AK9: variants seen among roughly 807,000 people sequenced by gnomAD.
The protein encoded by AK9 is adenylate kinase domain containing 1.
A neutral mutation model predicts 239.6 loss-of-function variants in AK9; 191 were observed. The observed-to-expected ratio is 0.80, with a 90% CI of 0.71 to 0.90. AK9 has a LOEUF of 0.90. Among genes scored for constraint, AK9 ranks in the 40% least tolerant of loss-of-function variants. The pLI, the probability that AK9 is intolerant of heterozygous loss-of-function variation, is 0.00. For missense variants in AK9, 1,995 were observed against 2,214.7 expected (o/e 0.90, Z 1.99); for synonymous variants, 689 against 721.0 (o/e 0.96, Z 0.71).
In AK9 at chr6:109,506,830, T is replaced by A. The variant is rs982324867; in HGVS notation, c.4482-30A>T. 11 of 1,462,418 alleles carry A rather than the reference T, an allele frequency of 7.5e-6. No homozygotes were observed. In the African/African-American group the frequency reaches 1.4e-4, roughly 19 times the overall value. 90.6% of individuals were successfully genotyped at this position (1,462,418 alleles called of 1,614,324 possible). A position where few individuals can be genotyped will look rare whatever the true frequency, so the allele number is the denominator to read the frequency against. ...CAAGGAAAAACATGAAAATAAAAAT[T>A]CCACATTTCTTTTTCTCTCGTACTT... On this transcript the variant is annotated intron_variant, in intron 33 of 40. Coordinates refer to ENST00000424296, the MANE Select transcript of AK9 (RefSeq NM_001145128.3).
At chr6:109,677,674 C>T (rs1771965699) in intron 1 of AK9, among the ~76,000 whole-genome samples, 2 of 151,990 alleles carry the variant, frequency 1.3e-5, no homozygotes, top group Admixed American at 1.3e-4. Context: ...GCATAAATAA[C>T]TATCAAAGGT....
intron 21 of AK9, among the ~76,000 whole-genome samples, chr6:109,566,461 G>T (rs1445753352): frequency 6.6e-6 from 1 of 152,090 alleles, no homozygotes; most frequent in Admixed American, 6.6e-5. Flanking sequence ...AATTTTACAA[G>T]ATGTATGCTT....
At chr6:109,589,080 A>T (rs1304693568) in intron 17 of AK9, among the ~76,000 whole-genome samples, 2 of 152,076 alleles carry the variant, frequency 1.3e-5, no homozygotes, top group African/African-American at 4.8e-5. Flanking sequence ...TGTTCTGTAC[A>T]AATTTCACTA....
chr6:109,582,895 C>T (rs1789031394), intron 19 of AK9, among the ~76,000 whole-genome samples: 1 of 152,134 alleles, frequency 6.6e-6, no homozygotes, highest in African/African-American at 2.4e-5. Flanking sequence ...GCAACCACTA[C>T]CCTTATCGGT....
At chr6:109,528,819 T>TCAGCCTTGAAAAGCTGTTACAAGAGA in intron 29 of AK9, 192 bp downstream of exon 29, 1 of 890,722 alleles carries the variant, frequency 1.1e-6, no homozygotes, top group Non-Finnish European at 1.7e-6. Flanking sequence ...GTTACAAGAG[T>TCAGCCTTGAAAAGCTGTTACAAGAGA]GTCTTAAGCC....
intron 21 of AK9, among the ~76,000 whole-genome samples, 197 bp from the exon 22 acceptor site, chr6:109,565,042 CA>C (rs1333307803): frequency 6.6e-6 from 1 of 152,128 alleles, no homozygotes; most frequent in African/African-American, 2.4e-5. Flanking sequence ...TATTCTTAAA[CA>C]CATAAAAGGA....
intron 17 of AK9, among the ~76,000 whole-genome samples, chr6:109,598,984 A>G (rs1791498240): frequency 6.6e-6 from 1 of 152,198 alleles, no homozygotes; most frequent in Non-Finnish European, 1.5e-5. Context: ...GCCCTTTGTC[A>G]GATGGGTAGA....
chr6:109,509,147 C>T, intron 33 of AK9, 32 bp downstream of exon 33: 1 of 1,540,614 alleles, frequency 6.5e-7, no homozygotes, highest in Non-Finnish European at 8.8e-7. Flanking sequence ...ATTTAACTCC[C>T]TCTGTCCCAT....
chr6:109,615,332 T>C (rs533095630), intron 13 of AK9, among the ~76,000 whole-genome samples: 1 of 152,110 alleles, frequency 6.6e-6, no homozygotes, highest in South Asian at 2.1e-4. Flanking sequence ...TGTGTCTTGT[T>C]CTCATCTGTA....
chr6:109,527,271 C>T (rs1780644849), intron 29 of AK9, among the ~76,000 whole-genome samples: 1 of 152,026 alleles, frequency 6.6e-6, no homozygotes, highest in Non-Finnish European at 1.5e-5. Context: ...TGGAAATGTC[C>T]CATTCAGTGC....
At chr6:109,590,095 G>A (rs1338121345) in intron 17 of AK9, among the ~76,000 whole-genome samples, 3 of 152,048 alleles carry the variant, frequency 2.0e-5, no homozygotes, top group Non-Finnish European at 4.4e-5. Flanking sequence ...GAGTTAGGGA[G>A]GATTCACTCC....
At chr6:109,603,386 G>C (rs117483718) in intron 17 of AK9, among the ~76,000 whole-genome samples, 1 of 152,142 alleles carries the variant, frequency 6.6e-6, no homozygotes, top group South Asian at 2.1e-4. Flanking sequence ...GCAGTACAGC[G>C]AATATTGCTG....
At chr6:109,602,977 T>C (rs1484021857) in intron 17 of AK9, among the ~76,000 whole-genome samples, 2 of 152,312 alleles carry the variant, frequency 1.3e-5, no homozygotes, top group Non-Finnish European at 2.9e-5. Flanking sequence ...ATTCGTCTAA[T>C]CTTTTTTCAA....
intron 10 of AK9, among the ~76,000 whole-genome samples, chr6:109,634,171 T>C (rs1179464128): frequency 6.6e-6 from 1 of 152,186 alleles, no homozygotes; most frequent in Non-Finnish European, 1.5e-5. Flanking sequence ...CCCTCATGAA[T>C]AGATTAATGT....
At chr6:109,516,301 G>T in intron 30 of AK9, 129 bp downstream of exon 30, 1 of 922,128 alleles carries the variant, frequency 1.1e-6, no homozygotes, top group Non-Finnish European at 1.6e-6. Flanking sequence ...AAATGATACC[G>T]ATAAAAGGAA....
chr6:109,661,721 C>T (rs1800443151), intron 6 of AK9, among the ~76,000 whole-genome samples: 1 of 152,204 alleles, frequency 6.6e-6, no homozygotes, highest in Non-Finnish European at 1.5e-5. Flanking sequence ...CACTGGGTCC[C>T]AGCATCTGAG....
chr6:109,624,321 C>T (rs1403417945), intron 12 of AK9, among the ~76,000 whole-genome samples: 1 of 152,130 alleles, frequency 6.6e-6, no homozygotes, highest in African/African-American at 2.4e-5. Flanking sequence ...TGCATAGATG[C>T]CCTTTTGCTT....
intron 1 of AK9, among the ~76,000 whole-genome samples, chr6:109,681,418 C>A (rs950866924): frequency 6.6e-6 from 1 of 152,112 alleles, no homozygotes; most frequent in African/African-American, 2.4e-5. Context: ...TATATGCACC[C>A]AATATAGGAG....
At chr6:109,529,489 C>G (rs1439352434) in intron 28 of AK9, among the ~76,000 whole-genome samples, 1 of 152,178 alleles carries the variant, frequency 6.6e-6, no homozygotes, top group Non-Finnish European at 1.5e-5. Flanking sequence ...ACTGGTTTCA[C>G]AGAAGACAAT....
Sources: gnomAD v4.1 joint callset for allele counts (sites outside exome capture counted in the v4.1 genomes callset) on GRCh38, gnomAD v4.1.1 for gene constraint, MANE v1.5 for transcripts, NCBI Gene and HGNC (gene_info 2026-07-23, HGNC 2026-07-21) for gene names.